Variants in AGBL1 observed in about 807,000 individuals in gnomAD.
The protein encoded by AGBL1 is cytosolic carboxypeptidase 4.
In AGBL1, 130 loss-of-function variants were observed where a neutral mutation model predicts 118.9. The ratio of observed to expected loss-of-function variants is 1.09; its 90% CI spans 0.95 to 1.26. The LOEUF is 1.26. AGBL1 is among the 50% of genes most tolerant of loss of function. AGBL1 has a pLI of 0.00. For synonymous variants in AGBL1, 555 were observed against 478.9 expected (o/e 1.16, Z -2.08); for missense variants, 1,584 against 1,298.1 (o/e 1.22, Z -3.38).
intron 22 of AGBL1, among the ~76,000 whole-genome samples, chr15:86,860,149 C>T (rs572820778): frequency 3.3e-5 from 5 of 152,144 alleles, no homozygotes; most frequent in African/African-American, 1.2e-4. Flanking sequence ...GAACTTAGGG[C>T]AAGTTACCAA....
At chr15:86,478,020 A>G (rs1326452438) in intron 18 of AGBL1, among the ~76,000 whole-genome samples, 1 of 152,214 alleles carries the variant, frequency 6.6e-6, no homozygotes, top group Non-Finnish European at 1.5e-5. Context: ...GGCCTTTGAC[A>G]AAATTCAACA....
chr15:86,439,493 T>G (rs1305590069), intron 18 of AGBL1, among the ~76,000 whole-genome samples: 1 of 152,198 alleles, frequency 6.6e-6, no homozygotes, highest in Admixed American at 6.5e-5. Flanking sequence ...GAAACAATGT[T>G]CATTTTTTTA....
At chr15:86,128,540 C>T (rs2076777516) in intron 1 of AGBL1, among the ~76,000 whole-genome samples, 3 of 152,312 alleles carry the variant, frequency 2.0e-5, no homozygotes, top group Admixed American at 1.3e-4. Context: ...GCTGGATCAC[C>T]AGGCGCAGAG....
In AGBL1 at chr15:86,756,980, G is replaced by T. The variant is rs940174446; in HGVS notation, c.3158+82544G>T. 2.1e-5 allele frequency among the ~76,000 whole-genome samples: 3 copies of T among 143,048 alleles called. No homozygotes were observed. In the South Asian group the frequency reaches 6.6e-4, roughly 32 times the overall value. 93.8% of individuals were successfully genotyped at this position (143,048 alleles called of 152,430 possible). ...TTTCTCCCCATCCTCTACTCATTCC[G>T]CTTGTAACTAATTACTTACCTACAG... is the stretch of plus-strand genomic sequence containing the variant. On this transcript the variant is annotated intron_variant, in intron 22 of 22. Transcript: ENST00000614907.
intron 5 of AGBL1, among the ~76,000 whole-genome samples, chr15:86,206,771 T>A (rs1488553367): frequency 2.0e-5 from 3 of 152,226 alleles, no homozygotes; most frequent in Admixed American, 6.5e-5. Context: ...GCCTGTTCAC[T>A]CTGATGGTAG....
chr15:86,953,910 T>C (rs2080904554), intron 23 of AGBL1, among the ~76,000 whole-genome samples: 1 of 152,170 alleles, frequency 6.6e-6, no homozygotes, highest in Non-Finnish European at 1.5e-5. Flanking sequence ...GGATGCCTTT[T>C]ATTTCTTTTT....
intron 1 of AGBL1, among the ~76,000 whole-genome samples, chr15:86,139,556 C>T (rs532109060): frequency 9.9e-5 from 15 of 151,882 alleles, no homozygotes; most frequent in Admixed American, 7.2e-4. Flanking sequence ...GGCAGGAGAT[C>T]GAGATCATCC....
At chr15:86,746,581 TTGTC>T (rs1400550584) in intron 22 of AGBL1, among the ~76,000 whole-genome samples, 1 of 152,086 alleles carries the variant, frequency 6.6e-6, no homozygotes, top group Non-Finnish European at 1.5e-5. Flanking sequence ...GTAACCATGT[TTGTC>T]TGATTTACAT....
intron 24 of AGBL1, among the ~76,000 whole-genome samples, chr15:87,016,300 T>G (rs192558599): frequency 6.6e-6 from 1 of 152,276 alleles, no homozygotes; most frequent in Admixed American, 6.5e-5. Context: ...TTGTTCTGAC[T>G]GCTATAATAG....
At chr15:86,420,995 G>T (rs1018881959) in intron 18 of AGBL1, among the ~76,000 whole-genome samples, 2 of 152,206 alleles carry the variant, frequency 1.3e-5, no homozygotes, top group African/African-American at 4.8e-5. Context: ...TGGTGTACCT[G>T]AAAGTGACGG....
At chr15:86,657,256 CTG>C (rs1410829777) in intron 21 of AGBL1, among the ~76,000 whole-genome samples, 1 of 152,182 alleles carries the variant, frequency 6.6e-6, no homozygotes, top group Non-Finnish European at 1.5e-5. Context: ...CGCGGGCTGA[CTG>C]TGTGCCTCCT....
intron 1 of AGBL1, among the ~76,000 whole-genome samples, chr15:86,133,820 A>G (rs189038234): frequency 6.6e-6 from 1 of 152,310 alleles, no homozygotes; most frequent in East Asian, 1.9e-4. Flanking sequence ...CCAGTCAGAA[A>G]ATAGTATATG....
intron 22 of AGBL1, among the ~76,000 whole-genome samples, chr15:86,747,160 C>T (rs941970697): frequency 1.3e-5 from 2 of 151,924 alleles, no homozygotes; most frequent in Non-Finnish European, 1.5e-5. Flanking sequence ...AAATATAGGC[C>T]ATGATTTCAT....
At chr15:86,208,116 T>C (rs2078025688) in intron 5 of AGBL1, among the ~76,000 whole-genome samples, 1 of 152,188 alleles carries the variant, frequency 6.6e-6, no homozygotes, top group South Asian at 2.1e-4. Flanking sequence ...ATGTGATGGA[T>C]TATGTTTATT....
chr15:86,252,464 G>C (rs1014518588), intron 7 of AGBL1, among the ~76,000 whole-genome samples: 5 of 152,152 alleles, frequency 3.3e-5, no homozygotes, highest in Non-Finnish European at 7.4e-5. Context: ...GGTTCTATAG[G>C]GGGTTCAAAG....
At chr15:86,684,867 C>T (rs1225716441) in intron 22 of AGBL1, among the ~76,000 whole-genome samples, 2 of 152,080 alleles carry the variant, frequency 1.3e-5, no homozygotes, top group South Asian at 2.1e-4. Flanking sequence ...ACCCTGAATT[C>T]AAGATACAAA....
At chr15:86,948,237 T>G (rs1016038197) in intron 23 of AGBL1, among the ~76,000 whole-genome samples, 7 of 152,046 alleles carry the variant, frequency 4.6e-5, no homozygotes, top group African/African-American at 1.7e-4. Flanking sequence ...AAGAGATGAA[T>G]GAAATACACC....
At chr15:86,167,254 T>C (rs1470372655) in intron 5 of AGBL1, among the ~76,000 whole-genome samples, 1 of 151,612 alleles carries the variant, frequency 6.6e-6, no homozygotes, top group East Asian at 1.9e-4. Flanking sequence ...CTTTTCTTTT[T>C]TTTTTTTTTG....
At chr15:86,976,849 T>C (rs2081181097) in intron 23 of AGBL1, among the ~76,000 whole-genome samples, 1 of 152,038 alleles carries the variant, frequency 6.6e-6, no homozygotes, top group South Asian at 2.1e-4. Flanking sequence ...AAAACAACTT[T>C]GTTTATGTCG....
Sources: allele counts gnomAD v4.1 joint callset (sites outside exome capture counted in the v4.1 genomes callset), GRCh38; gene constraint gnomAD v4.1.1; transcripts MANE v1.5; gene names NCBI Gene and HGNC (gene_info 2026-07-23, HGNC 2026-07-21).